WDPCP: variants seen among roughly 807,000 people sequenced by gnomAD.
WDPCP encodes WD repeat containing planar cell polarity effector, also known as WD repeat-containing and planar cell polarity effector protein fritz homolog.
In WDPCP, 71 loss-of-function variants were observed where a neutral mutation model predicts 93.1. The observed-to-expected ratio is 0.76, with a 90% CI of 0.63 to 0.93. The LOEUF (loss-of-function observed/expected upper bound fraction) is 0.93. Among genes scored for constraint, WDPCP ranks in the 40% least tolerant of loss-of-function variants. WDPCP has a pLI of 0.00. For missense variants in WDPCP, 844 were observed against 887.4 expected (o/e 0.95, Z 0.62); for synonymous variants, 315 against 315.0 (o/e 1.00, Z 0.00).
At position 63,564,778 on chromosome 2, in the gene WDPCP, C is replaced by CT. The variant is rs10713306; in HGVS notation, c.75+23418dup. 7.7e-3 allele frequency among the ~76,000 whole-genome samples: 941 copies of CT among 122,272 alleles called. 4 individuals carry two copies. The highest frequency in any genetic ancestry group is 0.014 in the African/African-American group (422 of 29,736). The allele number at this position is 122,272 out of a possible 152,430, so 80.2% of individuals were successfully genotyped here. On this transcript the variant is annotated intron_variant, in intron 1 of 17. Transcript: ENST00000272321. ...ATGTTACTAAAGCTTAAAACTGCAC[C>CT]TTTTTTTTTTTTTTTTTGAGACAGA...
chr2:63,562,318 A>G (rs1225255253), intron 1 of WDPCP, among the ~76,000 whole-genome samples: 1 of 152,172 alleles, frequency 6.6e-6, no homozygotes, highest in Non-Finnish European at 1.5e-5. Context: ...GAGCTGAACA[A>G]TGAGAACACA....
intron 14 of WDPCP, among the ~76,000 whole-genome samples, chr2:63,203,249 TA>T (rs1359497332): frequency 6.6e-6 from 1 of 152,264 alleles, no homozygotes; most frequent in East Asian, 1.9e-4. Flanking sequence ...ATGCAATGTA[TA>T]ATAATCACAT....
rs375209635 is a variant in WDPCP at position 63,625,272 on chromosome 2, AC to A, written n.488+25386del. ...CATTCCCTTTCAAAACAGGCACAAG[AC>A]AAGGATGCTCTCTCTCTCACCACTC... On this transcript the variant is annotated intron_variant and non_coding_transcript_variant, in intron 3 of 4. Transcript: ENST00000467687. 7.3e-4 allele frequency among the ~76,000 whole-genome samples: 111 copies of A among 152,332 alleles called. 1 individual carries two copies. In the East Asian group the frequency reaches 0.02, roughly 27 times the overall value.
chr2:63,215,817 A>G (rs2104446377), intron 14 of WDPCP, among the ~76,000 whole-genome samples: 2 of 152,366 alleles, frequency 1.3e-5, no homozygotes, highest in Middle Eastern at 6.8e-3. Context: ...CTCATCTGAC[A>G]AAGGGCTAAT....
intron 13 of WDPCP, among the ~76,000 whole-genome samples, chr2:63,272,187 T>C (rs891123915): frequency 6.6e-6 from 1 of 152,134 alleles, no homozygotes; most frequent in African/African-American, 2.4e-5. Flanking sequence ...TCACTATACC[T>C]TTCACTAACA....
chr2:63,439,288 C>T (rs1245782658), intron 7 of WDPCP, among the ~76,000 whole-genome samples: 3 of 152,028 alleles, frequency 2.0e-5, no homozygotes, highest in Non-Finnish European at 4.4e-5. Context: ...AGGCATTGGT[C>T]TTTACTATTT....
intron 13 of WDPCP, among the ~76,000 whole-genome samples, chr2:63,283,574 C>A (rs1683738449): frequency 6.6e-6 from 1 of 152,030 alleles, no homozygotes; most frequent in African/African-American, 2.4e-5. Flanking sequence ...GTGACAGAGA[C>A]TGTGGCCTGC....
At chr2:63,520,961 T>A (rs1702881510) in intron 1 of WDPCP, among the ~76,000 whole-genome samples, 1 of 150,062 alleles carries the variant, frequency 6.7e-6, no homozygotes, top group South Asian at 2.1e-4. Flanking sequence ...CTAAGTTTGA[T>A]ACTCAAAGGA....
At chr2:63,337,010 C>T (rs908569240) in intron 12 of WDPCP, among the ~76,000 whole-genome samples, 17 of 151,702 alleles carry the variant, frequency 1.1e-4, no homozygotes, top group Non-Finnish European at 1.9e-4. Flanking sequence ...TCTCCTGCCT[C>T]GGCCTCCTGA....
intron 6 of WDPCP, chr2:63,443,160 G>A (rs1158260593): frequency 6.6e-6 from 1 of 152,158 alleles, no homozygotes; most frequent in African/African-American, 2.4e-5. Context: ...GCCAGGCACT[G>A]TTCCAAGTGC....
chr2:63,516,385 A>T (rs1702551509), intron 1 of WDPCP, among the ~76,000 whole-genome samples: 1 of 152,168 alleles, frequency 6.6e-6, no homozygotes, highest in South Asian at 2.1e-4. Flanking sequence ...TGATTTATTA[A>T]ACACTAGTCT....
intron 2 of WDPCP, among the ~76,000 whole-genome samples, chr2:63,759,652 C>T (rs1329129041): frequency 6.6e-6 from 1 of 152,194 alleles, no homozygotes; most frequent in Non-Finnish European, 1.5e-5. Context: ...CAGCCAGGGG[C>T]CCCTGCCCCA....
chr2:63,266,933 T>C (rs894286706), intron 13 of WDPCP, among the ~76,000 whole-genome samples: 2 of 152,186 alleles, frequency 1.3e-5, no homozygotes, highest in African/African-American at 2.4e-5. Flanking sequence ...TTCATTGCAA[T>C]TCCTATCAAA....
chr2:63,780,702 C>T (rs759337388), intron 2 of WDPCP, among the ~76,000 whole-genome samples: 3 of 152,192 alleles, frequency 2.0e-5, no homozygotes, highest in Non-Finnish European at 2.9e-5. Flanking sequence ...TGTTTAACAA[C>T]AGCAGTCTTC....
In WDPCP at chr2:63,476,998, A is replaced by T. The variant is rs535095152; in HGVS notation, c.384+7606T>A. Among the ~76,000 whole-genome samples, 99 of 152,306 alleles carry T rather than the reference A, an allele frequency of 6.5e-4. 1 individual carries two copies. Among genetic ancestry groups the T allele is most frequent in the Non-Finnish European group, 1.2e-3 (83 of 68,026 alleles). On this transcript the variant is annotated intron_variant, in intron 6 of 17. Transcript: ENST00000272321. The stretch of plus-strand genomic sequence containing the variant: ...GCCTGAAAATGCAGAATTGTTATGG[A>T]TGGAAACCATGGTACAGCTGACTAT...
intron 13 of WDPCP, among the ~76,000 whole-genome samples, chr2:63,283,734 G>C (rs1017667683): frequency 6.6e-6 from 1 of 152,226 alleles, no homozygotes; most frequent in African/African-American, 2.4e-5. Context: ...AACATTTTGA[G>C]TACTTTGGAA....
chr2:63,675,227 A>T (rs1299202218), intron 2 of WDPCP, among the ~76,000 whole-genome samples: 1 of 152,062 alleles, frequency 6.6e-6, no homozygotes, highest in Non-Finnish European at 1.5e-5. Context: ...TGCCTCCTTC[A>T]TTGGGACTCT....
chr2:63,225,835 T>C (rs1678248737), intron 14 of WDPCP, among the ~76,000 whole-genome samples: 1 of 151,912 alleles, frequency 6.6e-6, no homozygotes, highest in African/African-American at 2.4e-5. Context: ...TGTAATTCTC[T>C]TCCAAAACCA....
At chr2:63,716,107 A>C (rs1669333706) in intron 2 of WDPCP, among the ~76,000 whole-genome samples, 1 of 152,156 alleles carries the variant, frequency 6.6e-6, no homozygotes, top group African/African-American at 2.4e-5. Flanking sequence ...CATTTTTAAG[A>C]CTCAGGTTAG....
Sources: gnomAD v4.1 joint callset for allele counts (sites outside exome capture counted in the v4.1 genomes callset) on GRCh38, gnomAD v4.1.1 for gene constraint, MANE v1.5 for transcripts, NCBI Gene and HGNC (gene_info 2026-07-23, HGNC 2026-07-21) for gene names.